The following PDHX variants were observed in gnomAD, a reference collection of about 807,000 sequenced individuals.
PDHX encodes the protein pyruvate dehydrogenase complex component X.
PDHX carries 33 observed loss-of-function variants against 55.3 expected under a neutral mutation model. The ratio of observed to expected loss-of-function variants is 0.60; its 90% confidence interval spans 0.45 to 0.80. PDHX has a LOEUF of 0.80. Among genes scored for constraint, PDHX ranks in the 30% least tolerant of loss-of-function variants. The probability of loss-of-function intolerance (pLI) is 0.00; values close to 1 mark genes in which losing one functional copy is unlikely to be tolerated. For missense variants in PDHX, 622 were observed against 619.9 expected (o/e 1.00, Z -0.04); for synonymous variants, 226 against 219.4 (o/e 1.03, Z -0.27).
intron 1 of PDHX, among the ~76,000 whole-genome samples, chr11:34,921,507 G>A (rs1215032714): frequency 6.6e-6 from 1 of 152,162 alleles, no homozygotes; most frequent in Non-Finnish European, 1.5e-5. Context: ...CGAAGGCTAC[G>A]ATTTGGACAT....
chr11:34,950,368 ATTTT>A (rs1215590221), intron 3 of PDHX, among the ~76,000 whole-genome samples: 1 of 148,888 alleles, frequency 6.7e-6, no homozygotes, highest in African/African-American at 2.5e-5. Context: ...TTATTTATTT[ATTTT>A]ATTATTATTA....
chr11:34,992,318 C>A lies in PDHX; in HGVS notation c.1186C>A (p.Leu396Ile). Residue 396 changes from leucine (L) to isoleucine (I), a missense_variant, in exon 10 of 11, where the codon CTA (leucine) becomes ATA (isoleucine). Physicochemically the swap from Leu to Ile is conservative, Grantham distance 5. Transcript: ENST00000227868. The stretch of plus-strand genomic sequence containing the variant: ...ATTCTGTTTGTATTTTTCTCAGGCT[C>A]TATCAAAGAAAGCAAGAGATGGAAA... ...IQEIADSVKA[L>I]SKKARDGKLL... 1 of 1,591,758 alleles carries A rather than the reference C, an allele frequency of 6.3e-7. No individual in the cohort carries two copies.
intron 9 of PDHX, among the ~76,000 whole-genome samples, chr11:34,990,698 C>A (rs2134004486): frequency 6.6e-6 from 1 of 152,224 alleles, no homozygotes; most frequent in East Asian, 1.9e-4. Context: ...CTGTATAAGT[C>A]AAAATTCATC....
Position 34,995,160 on chromosome 11 carries a change from C to A in PDHX, c.1494C>A (p.Ile498=), listed in dbSNP as rs1855834962. Residue 498 remains isoleucine, a synonymous_variant, in exon 11 of 11, where the codon ATC becomes ATA. Transcript: ENST00000227868. ...TTAAAGCAAACCTAGAGAATCCTAT[C>A]CGACTTGCCTAGTCCTCAAAGATAA... ...KSFKANLENP[I]RLA 1 of 1,613,876 alleles carries A rather than the reference C, an allele frequency of 6.2e-7. No individual in the cohort carries two copies. Among genetic ancestry groups the A allele is most frequent in the East Asian group, 2.2e-5 (1 of 44,874 alleles).
chr11:34,990,883 A>T (rs886467274), intron 9 of PDHX, among the ~76,000 whole-genome samples: 1 of 152,230 alleles, frequency 6.6e-6, no homozygotes, highest in Non-Finnish European at 1.5e-5. Context: ...TTAGTTATCA[A>T]CTGTGATTGT....
chr11:34,981,608 GTCC>G (rs1272932749), intron 8 of PDHX, among the ~76,000 whole-genome samples: 1 of 152,160 alleles, frequency 6.6e-6, no homozygotes, highest in African/African-American at 2.4e-5. Flanking sequence ...CTAGTTTACA[GTCC>G]CACCAGCAGT....
chr11:34,949,853 TTTA>T (rs1367854349), intron 3 of PDHX, among the ~76,000 whole-genome samples: 2 of 152,184 alleles, frequency 1.3e-5, no homozygotes, highest in Non-Finnish European at 2.9e-5. Flanking sequence ...TAGCAATATA[TTTA>T]TTGATAGATT....
chr11:34,990,157 A>G (rs952701782), intron 9 of PDHX, among the ~76,000 whole-genome samples: 3 of 152,188 alleles, frequency 2.0e-5, no homozygotes, highest in Non-Finnish European at 4.4e-5. Context: ...GTTATTCTTA[A>G]TTCTTCATTA....
At chr11:34,987,268 T>C (rs989574003) in intron 9 of PDHX, among the ~76,000 whole-genome samples, 2 of 152,198 alleles carry the variant, frequency 1.3e-5, no homozygotes, top group Non-Finnish European at 2.9e-5. Context: ...AGTACTTTCT[T>C]GTATGAAGTA....
At chr11:34,960,585 A>G (rs980868897) in intron 5 of PDHX, 67 bp downstream of exon 5, 1 of 979,636 alleles carries the variant, frequency 1.0e-6, no homozygotes, top group Non-Finnish European at 1.6e-6. Flanking sequence ...TTGAAAGAAA[A>G]TAAAAAGAGC....
rs1415986879 is a variant in PDHX at position 34,968,082 on chromosome 11, G to C, written c.816+1268G>C. On this transcript the variant is annotated intron_variant, in intron 6 of 10. Coordinates refer to ENST00000227868, the MANE Select transcript of PDHX (RefSeq NM_003477.3). ...CCTAGGCATTCAAAGACCAGCCTGG[G>C]CAACATAGTGAGACCTCATCTCTAC... 5.9e-5 allele frequency among the ~76,000 whole-genome samples: 9 copies of C among 151,982 alleles called. No homozygotes were observed. In the East Asian group the frequency reaches 1.7e-3, roughly 29 times the overall value.
At chr11:34,985,662 G>A (rs947425929) in intron 9 of PDHX, among the ~76,000 whole-genome samples, 2 of 152,100 alleles carry the variant, frequency 1.3e-5, no homozygotes, top group Admixed American at 6.5e-5. Context: ...TGATTGCATC[G>A]AAAATTTCTG....
At chr11:34,976,715 A>G (rs1855384629) in intron 7 of PDHX, among the ~76,000 whole-genome samples, 1 of 152,176 alleles carries the variant, frequency 6.6e-6, no homozygotes, top group Non-Finnish European at 1.5e-5. Flanking sequence ...AAAAGAATAT[A>G]TTTCATTCAA....
Position 34,978,188 on chromosome 11 carries a change from T to C in PDHX, c.1023+6T>C. On this transcript the variant is annotated splice_donor_region_variant and intron_variant, in intron 8 of 10. Coordinates refer to ENST00000227868, the MANE Select transcript of PDHX (RefSeq NM_003477.3). ...CAGCAGCTGTTACCCTTAAAGTAAGTAGCAGACTTCAAATGATTTTGTCTT... is the reference window on the plus strand; with the variant it reads ...CAGCAGCTGTTACCCTTAAAGTAAGCAGCAGACTTCAAATGATTTTGTCTT... The C allele has an allele frequency of 2.0e-6, 3 of 1,510,456 alleles. No individual in the cohort carries two copies. Among genetic ancestry groups the C allele is most frequent in the Admixed American group, 1.7e-5 (1 of 59,818 alleles). 93.6% of individuals were successfully genotyped at this position (1,510,456 alleles called of 1,614,324 possible). A position where few individuals can be genotyped will look rare whatever the true frequency, so the allele number is the denominator to read the frequency against.
At chr11:34,916,447 C>A, upstream of PDHX, 1 of 1,469,824 alleles carries the variant, frequency 6.8e-7, no homozygotes, top group Non-Finnish European at 9.0e-7. Flanking sequence ...TAAGGCCCCG[C>A]CGGCTGAGAT....
chr11:34,917,092 G>C (rs1312377492), intron 1 of PDHX, among the ~76,000 whole-genome samples: 1 of 152,196 alleles, frequency 6.6e-6, no homozygotes, highest in Middle Eastern at 3.4e-3. Context: ...GCGCAGAGAG[G>C]GTTCCCAAAC....
chr11:34,963,277 A>G (rs1389488349), intron 5 of PDHX, among the ~76,000 whole-genome samples: 1 of 151,216 alleles, frequency 6.6e-6, no homozygotes, highest in Non-Finnish European at 1.5e-5. Context: ...AACGTTTTGA[A>G]TTTTTTTTTC....
At chr11:34,988,151 A>G (rs1318554379) in intron 9 of PDHX, among the ~76,000 whole-genome samples, 1 of 152,204 alleles carries the variant, frequency 6.6e-6, no homozygotes, top group Non-Finnish European at 1.5e-5. Flanking sequence ...TAATTCATAT[A>G]TGAATATAGT....
intron 3 of PDHX, among the ~76,000 whole-genome samples, chr11:34,952,067 T>A (rs1324295694): frequency 2.6e-5 from 4 of 152,186 alleles, no homozygotes; most frequent in Non-Finnish European, 4.4e-5. Context: ...CAAACACCTC[T>A]ACACAAATAA....
Sources: gnomAD v4.1 joint callset for allele counts (sites outside exome capture counted in the v4.1 genomes callset) on GRCh38, gnomAD v4.1.1 for gene constraint, MANE v1.5 for transcripts, NCBI Gene and HGNC (gene_info 2026-07-23, HGNC 2026-07-21) for gene names.